PCMTD1: variants seen among roughly 807,000 people sequenced by gnomAD.
PCMTD1 encodes the protein protein-L-isoaspartate (D-aspartate) O-methyltransferase domain containing 1, also known as protein-L-isoaspartate O-methyltransferase domain-containing protein 1.
PCMTD1 carries 12 observed loss-of-function variants against 37.6 expected under a neutral mutation model. That is an observed-to-expected ratio of 0.32 (90% CI 0.20 to 0.52). The LOEUF is 0.52. Ranked by LOEUF, PCMTD1 falls within the 20% of genes least tolerant of loss-of-function variation. PCMTD1 has a pLI of 0.97. For missense variants in PCMTD1, 235 were observed against 421.3 expected (o/e 0.56, Z 3.87); for synonymous variants, 117 against 135.8 (o/e 0.86, Z 0.96).
At chr8:51,829,737 T>A (rs1054428440) in intron 5 of PCMTD1, among the ~76,000 whole-genome samples, 1 of 152,106 alleles carries the variant, frequency 6.6e-6, no homozygotes, top group African/African-American at 2.4e-5. Flanking sequence ...GCCACTGCAT[T>A]ACGGCCTGGG....
At chr8:51,854,728 T>C (rs1308238664) in intron 2 of PCMTD1, among the ~76,000 whole-genome samples, 2 of 151,880 alleles carry the variant, frequency 1.3e-5, no homozygotes, top group African/African-American at 2.4e-5. Context: ...AATACAAAAA[T>C]TAGCTGGGCA....
At chr8:51,888,097 T>A (rs575422148) in intron 1 of PCMTD1, among the ~76,000 whole-genome samples, 1 of 152,336 alleles carries the variant, frequency 6.6e-6, no homozygotes, top group African/African-American at 2.4e-5. Context: ...TGCCTAAATA[T>A]AAACTTCAAG....
At chr8:51,850,190 G>A (rs550875648) in intron 2 of PCMTD1, 216 of 659,820 alleles carry the variant, frequency 3.3e-4, no homozygotes, top group Non-Finnish European at 5.2e-4. Flanking sequence ...CTGTAAGACC[G>A]GTTCCCACTG....
rs546682543 is a variant in PCMTD1 at position 51,819,053 on chromosome 8, A to C, written c.*1298T>G. 8 of 152,284 alleles carry C rather than the reference A, an allele frequency of 5.3e-5. No homozygotes were observed. In the East Asian group the frequency reaches 1.5e-3, roughly 29 times the overall value. 9.4% of individuals were successfully genotyped at this position (152,284 alleles called of 1,614,324 possible). A position where few individuals can be genotyped will look rare whatever the true frequency, so the allele number is the denominator to read the frequency against. ...GGCTGTTTTCAGGCCTTATTAGGAA[A>C]ACAAACAAACAATGGCAGTTACTAC... On this transcript the variant is annotated 3_prime_UTR_variant, in exon 6 of 6. Transcript: ENST00000522514.
In PCMTD1 at chr8:51,831,442, A is replaced by C. The variant is rs777046437; in HGVS notation, c.706+2T>G. On this transcript the variant is annotated splice_donor_variant, in intron 5 of 5. Coordinates refer to ENST00000522514, the MANE Select transcript of PCMTD1 (RefSeq NM_052937.4). LOFTEE classifies it high-confidence loss of function. ...AATCAGAAAATATGAAGAGCTACTTACGGAGTCCCACAGAATCTGGTTTGC... is the reference window on the plus strand; with the variant it reads ...AATCAGAAAATATGAAGAGCTACTTCCGGAGTCCCACAGAATCTGGTTTGC... 1 of 1,612,444 alleles carries C rather than the reference A, an allele frequency of 6.2e-7. No individual in the cohort carries two copies. Among genetic ancestry groups the C allele is most frequent in the Non-Finnish European group, 8.5e-7 (1 of 1,179,460 alleles).
intron 2 of PCMTD1, among the ~76,000 whole-genome samples, chr8:51,848,422 A>C (rs915487547): frequency 6.6e-6 from 1 of 152,144 alleles, no homozygotes; most frequent in African/African-American, 2.4e-5. Context: ...GTTTCCTATA[A>C]GACAGAATAT....
At chr8:51,865,903 T>C (rs1025752624) in intron 1 of PCMTD1, among the ~76,000 whole-genome samples, 53 of 151,992 alleles carry the variant, frequency 3.5e-4, no homozygotes, top group African/African-American at 1.2e-3. Flanking sequence ...CATAATCTTA[T>C]ATGCAGAAAA....
At chr8:51,832,264 A>G (rs1157723724) in intron 4 of PCMTD1, among the ~76,000 whole-genome samples, 1 of 152,248 alleles carries the variant, frequency 6.6e-6, no homozygotes, top group Non-Finnish European at 1.5e-5. Context: ...ATGTATCGTT[A>G]AAGAAAAACA....
At chr8:51,821,740 G>T (rs900767243) in intron 5 of PCMTD1, among the ~76,000 whole-genome samples, 21 of 147,110 alleles carry the variant, frequency 1.4e-4, no homozygotes, top group East Asian at 4.0e-4. Flanking sequence ...TTCTGGTTTT[G>T]TTTTTTTTTT....
chr8:51,823,588 G>C (rs886902467), intron 5 of PCMTD1, among the ~76,000 whole-genome samples: 1 of 152,168 alleles, frequency 6.6e-6, no homozygotes, highest in African/African-American at 2.4e-5. Flanking sequence ...AATGCCTCCA[G>C]TTATGAGATT....
At chr8:51,844,315 G>A (rs1326673990) in intron 3 of PCMTD1, among the ~76,000 whole-genome samples, 1 of 152,116 alleles carries the variant, frequency 6.6e-6, no homozygotes, top group African/African-American at 2.4e-5. Flanking sequence ...ATAAAGACAA[G>A]CATAAATAAG....
chr8:51,865,675 C>T (rs562413157), intron 1 of PCMTD1, among the ~76,000 whole-genome samples: 2 of 151,900 alleles, frequency 1.3e-5, no homozygotes, highest in African/African-American at 4.8e-5. Context: ...GGGAAGATAC[C>T]TCAACATAAT....
At chr8:51,836,293 T>C (rs1011419246) in intron 3 of PCMTD1, among the ~76,000 whole-genome samples, 4 of 152,322 alleles carry the variant, frequency 2.6e-5, no homozygotes, top group Middle Eastern at 3.4e-3. Flanking sequence ...TTAGATCATC[T>C]GTAATGCGCA....
chr8:51,897,592 CTACCATTA>C (rs2039025055), intron 1 of PCMTD1, among the ~76,000 whole-genome samples: 1 of 152,198 alleles, frequency 6.6e-6, no homozygotes, highest in African/African-American at 2.4e-5. Context: ...CTCATGTAAA[CTACCATTA>C]AGCAATACGT....
chr8:51,826,910 C>G (rs16916858), intron 5 of PCMTD1: 555,420 of 877,478 alleles, frequency 0.63, 184,637 homozygotes, highest in Non-Finnish European at 0.67. Flanking sequence ...AGTGGTGAAT[C>G]AAGATGAAAA....
At chr8:51,839,711 T>C in intron 3 of PCMTD1, 1 of 681,886 alleles carries the variant, frequency 1.5e-6, no homozygotes, top group Non-Finnish European at 1.8e-6. Flanking sequence ...ACACCTAGTT[T>C]ATCACGTGCC....
intron 1 of PCMTD1, among the ~76,000 whole-genome samples, chr8:51,871,957 C>T (rs1002688775): frequency 1.3e-5 from 2 of 152,244 alleles, no homozygotes; most frequent in South Asian, 2.1e-4. Context: ...TTTTAAGATG[C>T]CTATATTCAC....
chr8:51,881,164 T>A (rs1005049791), intron 1 of PCMTD1, among the ~76,000 whole-genome samples: 10 of 152,244 alleles, frequency 6.6e-5, no homozygotes, highest in African/African-American at 2.4e-4. Flanking sequence ...TGCAAACTTC[T>A]GATCATGGAA....
At chr8:51,881,083 C>A (rs12675156) in intron 1 of PCMTD1, among the ~76,000 whole-genome samples, 104,591 of 152,090 alleles carry the variant, frequency 0.69, 42,408 homozygotes, top group Non-Finnish European at 0.9. Flanking sequence ...ATCAACCCCA[C>A]GAACACTGCT....
Sources: allele counts gnomAD v4.1 joint callset (sites outside exome capture counted in the v4.1 genomes callset), GRCh38; gene constraint gnomAD v4.1.1; transcripts MANE v1.5; gene names NCBI Gene and HGNC (gene_info 2026-07-23, HGNC 2026-07-21).